The following IL3RA variants were observed in gnomAD, a reference collection of about 807,000 sequenced individuals.
The protein encoded by IL3RA is interleukin-3 receptor subunit alpha.
Under a neutral mutation model 52.3 loss-of-function variants are expected in IL3RA, and 73 were observed. The ratio of observed to expected loss-of-function variants is 1.40; its 90% CI spans 1.16 to 1.70. The LOEUF (loss-of-function observed/expected upper bound fraction) is 1.70, where lower values mean the gene tolerates loss of function less well. Among genes scored for constraint, IL3RA ranks in the 40% most tolerant of loss-of-function variants. The pLI is 0.00. For synonymous variants in IL3RA, 260 were observed against 194.0 expected (o/e 1.34, Z -2.83); for missense variants, 664 against 504.4 (o/e 1.32, Z -3.03).
intron 4 of IL3RA, among the ~76,000 whole-genome samples, chrX:1,351,525 C>A (rs2086083011): frequency 6.7e-6 from 1 of 149,988 alleles, no homozygotes; most frequent in South Asian, 2.1e-4. Context: ...GGCAGGGTTT[C>A]ACCATGTTAG....
intron 11 of IL3RA, among the ~76,000 whole-genome samples, chrX:1,381,948 G>GT (rs1469206588): frequency 7.6e-6 from 1 of 130,874 alleles, no homozygotes; most frequent in African/African-American, 2.6e-5. Context: ...GTTTTGTTTT[G>GT]TTTGTTTTTG....
At chrX:1,362,283 CCTCT>C (rs200529756) in intron 8 of IL3RA, among the ~76,000 whole-genome samples, 2,063 of 146,090 alleles carry the variant, frequency 0.014, 45 homozygotes, top group African/African-American at 0.049. Flanking sequence ...TTTCTCTTTC[CCTCT>C]CTGTCTCCCC....
At chrX:1,382,350 G>T (rs779919410) in intron 11 of IL3RA, 41 bp from the exon 12 acceptor site, 1 of 1,538,804 alleles carries the variant, frequency 6.5e-7, no homozygotes, top group Non-Finnish European at 9.0e-7. Context: ...TCTGTTATCT[G>T]GGGGGTGGCC....
intron 2 of IL3RA, 135 bp from the exon 3 acceptor site, chrX:1,345,181 A>G: frequency 1.7e-6 from 1 of 584,206 alleles, no homozygotes; most frequent in Admixed American, 2.7e-5. Context: ...AAAATTTAAA[A>G]AAATTAAATA....
At chrX:1,364,995 G>C (rs1384066758) in intron 8 of IL3RA, 143 bp from the exon 9 acceptor site, 5 of 569,014 alleles carry the variant, frequency 8.8e-6, no homozygotes, top group African/African-American at 5.8e-5. Flanking sequence ...TTTTAGTAGA[G>C]ACAGGGTTTC....
At chrX:1,338,404 C>A (rs28805957) in intron 1 of IL3RA, among the ~76,000 whole-genome samples, 2 of 151,476 alleles carry the variant, frequency 1.3e-5, no homozygotes, top group African/African-American at 2.4e-5. Context: ...TCCAGCCACA[C>A]GGTGGAATAT....
rs1399242631 is a variant in IL3RA at position 1,348,622 on chromosome X, G to A, written c.298+77G>A. 1.3e-5 allele frequency: 12 copies of A among 941,254 alleles called. No individual in the cohort carries two copies. In the Admixed American group the frequency reaches 2.0e-4, roughly 16 times the overall value. The allele number at this position is 941,254 out of a possible 1,614,324, so 58.3% of individuals were successfully genotyped here. A position where few individuals can be genotyped will look rare whatever the true frequency, so the allele number is the denominator to read the frequency against. ...TCTCTCCCTCCCTCTCGCCTTCGCT[G>A]TGTCTTTTTTCTTTTCTTTTTCTCT... On this transcript the variant is annotated intron_variant, in intron 4 of 11. Coordinates refer to ENST00000331035, the MANE Select transcript of IL3RA (RefSeq NM_002183.4).
Position 1,356,514 on chromosome X carries a change from C to G in IL3RA, c.732+178C>G, listed in dbSNP as rs769067284. 2.0e-5 allele frequency among the ~76,000 whole-genome samples: 3 copies of G among 152,076 alleles called. No individual in the cohort carries two copies. The East Asian group carries it at 5.8e-4, about 29-fold the overall frequency. On this transcript the variant is annotated intron_variant, in intron 7 of 11. Transcript: ENST00000331035. ...GCCGGGCGCTGTGGCTCACGCCTGT[C>G]ATCCCAGCACTTTGGGAGGCTGAGG...
intron 9 of IL3RA, among the ~76,000 whole-genome samples, chrX:1,377,533 G>A (rs749378280): frequency 5.5e-4 from 83 of 152,110 alleles, no homozygotes; most frequent in African/African-American, 1.9e-3. Context: ...GTGAGCCACC[G>A]CGCCCGGCCA....
intron 4 of IL3RA, among the ~76,000 whole-genome samples, chrX:1,349,888 G>C (rs7891737): frequency 0.054 from 8,116 of 151,636 alleles, 215 homozygotes; most frequent in Middle Eastern, 0.14. Context: ...TCCTGACCTT[G>C]TGATCCACCC....
chrX:1,341,958 T>A (rs1345072263), intron 2 of IL3RA, 129 bp downstream of exon 2: 23 of 973,340 alleles, frequency 2.4e-5, no homozygotes, highest in Non-Finnish European at 3.6e-5. Flanking sequence ...CATGCAGTGG[T>A]CGGGAATGAC....
intron 8 of IL3RA, among the ~76,000 whole-genome samples, chrX:1,361,313 G>A (rs1372026651): frequency 6.6e-6 from 1 of 151,988 alleles, no homozygotes; most frequent in East Asian, 1.9e-4. Context: ...TCACACTGCT[G>A]ATAAACATAT....
chrX:1,349,314 T>C (rs189890204), intron 4 of IL3RA, among the ~76,000 whole-genome samples: 7,128 of 151,422 alleles, frequency 0.047, 251 homozygotes, highest in Non-Finnish European at 0.074. Context: ...CCCGAGTAGC[T>C]GGGATTATAG....
chrX:1,348,759 CTT>C (rs1430451851), intron 4 of IL3RA, among the ~76,000 whole-genome samples: 93 of 137,928 alleles, frequency 6.7e-4, no homozygotes, highest in Admixed American at 1.5e-3. Context: ...TCTTTCCTCT[CTT>C]TCTTTTCTTT....
chrX:1,354,733 AGGTGGAGAT>A, intron 6 of IL3RA, among the ~76,000 whole-genome samples: 1 of 99,588 alleles, frequency 1.0e-5, no homozygotes, highest in Non-Finnish European at 2.0e-5. Flanking sequence ...GAGGGGGAGG[AGGTGGAGAT>A]GGGGAGAGAA....
chrX:1,347,269 C>A (rs1184341408), intron 3 of IL3RA, among the ~76,000 whole-genome samples: 4 of 141,642 alleles, frequency 2.8e-5, no homozygotes, highest in African/African-American at 1.1e-4. Flanking sequence ...CACGGTGAAA[C>A]CCCGTCTCTA....
At chrX:1,353,346 ATCATGAG>A (rs2086264116) in intron 6 of IL3RA, among the ~76,000 whole-genome samples, 1 of 127,852 alleles carries the variant, frequency 7.8e-6, no homozygotes, top group Non-Finnish European at 1.6e-5. Flanking sequence ...CATGGGTCCC[ATCATGAG>A]TCATGGGATC....
intron 3 of IL3RA, among the ~76,000 whole-genome samples, chrX:1,348,228 C>G (rs1490334210): frequency 1.3e-5 from 2 of 150,424 alleles, no homozygotes; most frequent in African/African-American, 4.9e-5. Flanking sequence ...TGGCGGGCAC[C>G]TGTAATCCCA....
At chrX:1,363,694 TATGA>T (rs1437034927) in intron 8 of IL3RA, among the ~76,000 whole-genome samples, 1 of 152,028 alleles carries the variant, frequency 6.6e-6, no homozygotes, top group African/African-American at 2.4e-5. Context: ...ACCCATCAAA[TATGA>T]ATGGTCTTTT....
Sources: gnomAD v4.1 joint callset for allele counts (sites outside exome capture counted in the v4.1 genomes callset) on GRCh38, gnomAD v4.1.1 for gene constraint, MANE v1.5 for transcripts, NCBI Gene and HGNC (gene_info 2026-07-23, HGNC 2026-07-21) for gene names.